Variants in CARS1 observed in about 807,000 individuals in gnomAD.
CARS1 encodes cysteinyl-tRNA synthetase 1.
CARS1 carries 48 observed loss-of-function variants against 106.2 expected under a neutral mutation model. The ratio of observed to expected loss-of-function variants is 0.45; its 90% CI spans 0.36 to 0.57. CARS1 has a LOEUF of 0.57. CARS1 is among the 20% of genes least tolerant of loss of function. CARS1 has a pLI of 0.00. For synonymous variants in CARS1, 409 were observed against 403.4 expected, an observed-to-expected ratio of 1.01 and a Z score of -0.17; for missense variants, 968 against 1,057.2, an observed-to-expected ratio of 0.92 and a Z score of 1.17.
At chr11:3,033,689 G>A (rs989896361) in intron 7 of CARS1, among the ~76,000 whole-genome samples, 1 of 152,132 alleles carries the variant, frequency 6.6e-6, no homozygotes, top group Non-Finnish European at 1.5e-5. Flanking sequence ...AAGAAGAAAA[G>A]AAGGAATAAA....
intron 2 of CARS1, 80 bp downstream of exon 2, chr11:3,047,673 G>C: frequency 2.0e-6 from 3 of 1,519,490 alleles, no homozygotes; most frequent in Admixed American, 2.1e-5. Context: ...CAGACGCCAG[G>C]TAAGCACCAG....
Position 3,002,006 on chromosome 11 carries a change from CAAG to C in CARS1, c.2322_2324del (p.Phe774del). The C allele has an allele frequency of 6.2e-7, 1 of 1,613,940 alleles. No individual in the cohort carries two copies. Among genetic ancestry groups the C allele is most frequent in the Non-Finnish European group, 8.5e-7 (1 of 1,179,932 alleles). On this transcript the variant is annotated inframe_deletion, in exon 22 of 23. Transcript: ENST00000380525. ...ACTTGGAGTATTTGTCGGTTTCTGA[CAAG>C]AACATCTCACTGGGGGGAATCTTCA...
In CARS1 at chr11:3,013,727, C is replaced by A. The variant is rs143910626; in HGVS notation, c.1987-1451G>T. Among the ~76,000 whole-genome samples the A allele has an allele frequency of 1.8e-3, 279 of 152,082 alleles. 1 individual carries two copies. Among genetic ancestry groups the A allele is most frequent in the African/African-American group, 6.0e-3 (249 of 41,498 alleles). ...AATTAGCCGGGCATGGTGGTGCATG[C>A]CTGTAGTCCCAGCTACTCAGGAGGC... On this transcript the variant is annotated intron_variant, in intron 17 of 22. Coordinates refer to ENST00000380525, the MANE Select transcript of CARS1 (RefSeq NM_001014437.3).
intron 1 of CARS1, chr11:3,054,878 T>C (rs1171248612): frequency 1.4e-6 from 1 of 702,580 alleles, no homozygotes; most frequent in East Asian, 2.7e-5. Context: ...AAGTCTGACC[T>C]GATGAGCAGC....
rs2134321931 is a variant in CARS1, at chr11:3,053,563, C to G, written c.25+3780G>C. Among the ~76,000 whole-genome samples, 1 of 152,282 alleles carries G rather than the reference C, an allele frequency of 6.6e-6. No individual in the cohort carries two copies. The highest frequency in any genetic ancestry group is 1.9e-4 in the East Asian group (1 of 5,174). ...AGCATTTAAACCTCTCCCGGCTGCC[C>G]TGTTTCTCTTCCTGCGTTCCCTTGA... On this transcript the variant is annotated intron_variant, in intron 1 of 22. Coordinates refer to ENST00000380525, the MANE Select transcript of CARS1 (RefSeq NM_001014437.3). This position sits in a 1 kb window ranked among gnomAD's most constrained non-coding sequence, Gnocchi z 6.6.
At chr11:3,035,089 A>ATTC (rs1853441154) in intron 7 of CARS1, among the ~76,000 whole-genome samples, 1 of 152,134 alleles carries the variant, frequency 6.6e-6, no homozygotes, top group Non-Finnish European at 1.5e-5. Flanking sequence ...ATGAGGGCAG[A>ATTC]GCTCTCATGA....
intron 14 of CARS1, 44 bp downstream of exon 14, chr11:3,018,364 G>C: frequency 7.7e-7 from 1 of 1,302,510 alleles, no homozygotes; most frequent in Non-Finnish European, 1.1e-6. Context: ...CACTGTGCAG[G>C]GGAGGCTGCT....
chr11:3,001,355 C>A, intron 22 of CARS1, 107 bp from the exon 23 acceptor site: 2 of 1,318,988 alleles, frequency 1.5e-6, no homozygotes, highest in Non-Finnish European at 2.1e-6. Flanking sequence ...CTGATGCAGC[C>A]ATGTCCTCTT....
rs775475696 is a variant in CARS1 at position 3,039,843 on chromosome 11, C to A, written c.544G>T (p.Asp182Tyr). The change falls in exon 5 of 23, where the codon GAT (aspartate) becomes TAT (tyrosine). Residue 182 changes from aspartate to tyrosine, a missense_variant. Coordinates refer to ENST00000380525, the MANE Select transcript of CARS1 (RefSeq NM_001014437.3). The surrounding 1 kb of genome is among the most constrained non-coding windows in gnomAD (Gnocchi z 5.6). ...VFYCMNITDI[D>Y]DKIIKRARQN... ...TTACAAATTCCCTTTACCTTGTCAT[C>A]AATATCCGTAATGTTCATGCAATAA... The A allele has an allele frequency of 6.6e-7, 1 of 1,508,300 alleles. No homozygotes were observed. The highest frequency in any genetic ancestry group is 1.2e-5 in the South Asian group (1 of 83,444). The allele number at this position is 1,508,300 out of a possible 1,614,324, so 93.4% of individuals were successfully genotyped here.
chr11:3,056,425 G>A (rs945247664), intron 1 of CARS1, among the ~76,000 whole-genome samples: 54 of 152,318 alleles, frequency 3.5e-4, no homozygotes, highest in African/African-American at 1.2e-3. Flanking sequence ...TTGCTGGAGG[G>A]ACAGTGAGAG....
chr11:3,019,839 C>A lies in CARS1; in HGVS notation c.1266+381G>T, dbSNP rs1012917852. 6.6e-6 allele frequency among the ~76,000 whole-genome samples: 1 copy of A among 152,090 alleles called. No homozygotes were observed. Among genetic ancestry groups the A allele is most frequent in the Non-Finnish European group, 1.5e-5 (1 of 67,986 alleles). On this transcript the variant is annotated intron_variant, in intron 11 of 22. Coordinates refer to ENST00000380525, the MANE Select transcript of CARS1 (RefSeq NM_001014437.3). This position sits in a 1 kb window ranked among gnomAD's most constrained non-coding sequence, Gnocchi z 6.2. Reference sequence around the variant, plus strand: ...AGCCCTTGACAGCTGCAGATGGTCACGCCCCTTCCTAGGGTACCCTGCAGT... The same window carrying A: ...AGCCCTTGACAGCTGCAGATGGTCAAGCCCCTTCCTAGGGTACCCTGCAGT...
rs955423658 is a variant in CARS1 at position 3,041,932 on chromosome 11, G to A, written c.366+233C>T. ...ATCCATGCCCAGAAGTCATGGGCAG[G>A]CTTCCACATGAGGCATGATACTTCA... is the stretch of plus-strand genomic sequence containing the variant. On this transcript the variant is annotated intron_variant, in intron 3 of 22. Coordinates refer to ENST00000380525, the MANE Select transcript of CARS1 (RefSeq NM_001014437.3). This position sits in a 1 kb window ranked among gnomAD's most constrained non-coding sequence, Gnocchi z 4.9. 1.3e-5 allele frequency among the ~76,000 whole-genome samples: 2 copies of A among 152,218 alleles called. No homozygotes were observed. Among genetic ancestry groups the A allele is most frequent in the Admixed American group, 6.5e-5 (1 of 15,284 alleles).
In CARS1 at chr11:3,018,471, C is replaced by G; in HGVS notation, c.1566G>C (p.Lys522Asn). The change falls in exon 14 of 23, where the codon AAG (lysine) becomes AAC (asparagine). Residue 522 changes from lysine to asparagine, a missense_variant. Coordinates refer to ENST00000380525, the MANE Select transcript of CARS1 (RefSeq NM_001014437.3). ...LRLAFLMHSW[K>N]DTLDYSSNTM... Reference sequence around the variant, plus strand: ...TGTTGCTGGAGTAGTCCAGGGTGTCCTTCCACGAGTGCATGAGGAAGGCCA... The same window carrying G: ...TGTTGCTGGAGTAGTCCAGGGTGTCGTTCCACGAGTGCATGAGGAAGGCCA... 2 of 1,614,154 alleles carry G rather than the reference C, an allele frequency of 1.2e-6. No individual in the cohort carries two copies. Among genetic ancestry groups the G allele is most frequent in the Non-Finnish European group, 1.7e-6 (2 of 1,180,020 alleles).
chr11:3,014,694 C>A (rs199759862), intron 17 of CARS1, among the ~76,000 whole-genome samples: 1 of 152,218 alleles, frequency 6.6e-6, no homozygotes, highest in South Asian at 2.1e-4. Flanking sequence ...CAGGAAGTCT[C>A]AAAAATACCA....
chr11:3,047,824 C>T lies in CARS1; in HGVS notation c.203G>A (p.Arg68Gln), dbSNP rs766115974. Residue 68 changes from arginine to glutamine, a missense_variant, in exon 2 of 23, where the codon CGG becomes CAG. Coordinates refer to ENST00000380525, the MANE Select transcript of CARS1 (RefSeq NM_001014437.3). ...GAGCGCTTCTATGTGCCTGAACCACCGAGCCACGTGGAAGAGCTGGGGGTC... is the reference window on the plus strand; with the variant it reads ...GAGCGCTTCTATGTGCCTGAACCACTGAGCCACGTGGAAGAGCTGGGGGTC... ...PADPQLFHVA[R>Q]WFRHIEALLG... 4.3e-6 allele frequency: 7 copies of T among 1,614,156 alleles called. No individual in the cohort carries two copies. Among genetic ancestry groups the T allele is most frequent in the East Asian group, 2.2e-5 (1 of 44,882 alleles).
chr11:3,026,662 C>T lies in CARS1; in HGVS notation c.1153+14G>A. On this transcript the variant is annotated intron_variant, in intron 10 of 22. Transcript: ENST00000380525. Reference sequence around the variant, plus strand: ...GAGGGAGAGCCCACATGCTCTCAGGCATGCCCTCCTCACCTTCCCCTTCTT... The same window carrying T: ...GAGGGAGAGCCCACATGCTCTCAGGTATGCCCTCCTCACCTTCCCCTTCTT... 6.2e-7 allele frequency: 1 copy of T among 1,612,818 alleles called. No individual in the cohort carries two copies. Among genetic ancestry groups the T allele is most frequent in the Non-Finnish European group, 8.5e-7 (1 of 1,179,610 alleles).
chr11:3,029,209 G>A lies in CARS1; in HGVS notation c.942+94C>T, dbSNP rs1302391082. The A allele has an allele frequency of 6.7e-7, 1 of 1,493,062 alleles. No homozygotes were observed. Among genetic ancestry groups the A allele is most frequent in the African/African-American group, 1.4e-5 (1 of 72,084 alleles). The allele number at this position is 1,493,062 out of a possible 1,614,324, so 92.5% of individuals were successfully genotyped here. ...CTCAACTCAAGTTCAATGTTGACTT[G>A]GCCGCTTAATTGAGCTGGCCTTGCC... On this transcript the variant is annotated intron_variant, in intron 8 of 22. Transcript: ENST00000380525. This position sits in a 1 kb window ranked among gnomAD's most constrained non-coding sequence, Gnocchi z 5.9.
chr11:3,047,421 A>G (rs574398246), intron 2 of CARS1, among the ~76,000 whole-genome samples: 3 of 152,228 alleles, frequency 2.0e-5, no homozygotes, highest in Non-Finnish European at 2.9e-5. Flanking sequence ...AGCCTTAGCT[A>G]AAAATCACAA....
chr11:3,047,212 G>C (rs1855180017), intron 2 of CARS1, among the ~76,000 whole-genome samples: 1 of 149,832 alleles, frequency 6.7e-6, no homozygotes, highest in South Asian at 2.1e-4. Flanking sequence ...GGGAGGTGGA[G>C]CTTGCAGTGA....
Sources: gnomAD v4.1 joint callset for allele counts (sites outside exome capture counted in the v4.1 genomes callset) on GRCh38, gnomAD v4.1.1 for gene constraint, Gnocchi (gnomAD v3.1) non-coding constraint, MANE v1.5 for transcripts, NCBI Gene and HGNC (gene_info 2026-07-23, HGNC 2026-07-21) for gene names.